The following L3MBTL4 variants were observed in gnomAD, a reference collection of about 807,000 sequenced individuals.
L3MBTL4 encodes the protein L3MBTL histone methyl-lysine binding protein 4.
A neutral mutation model predicts 84.5 loss-of-function variants in L3MBTL4; 70 were observed. The observed-to-expected ratio is 0.83, with a 90% CI of 0.68 to 1.01. L3MBTL4 has a LOEUF of 1.01. Among genes scored for constraint, L3MBTL4 ranks in the 50% least tolerant of loss-of-function variants. L3MBTL4 has a pLI of 0.00. For synonymous variants in L3MBTL4, 274 were observed against 259.8 expected, an observed-to-expected ratio of 1.05 and a Z score of -0.52; for missense variants, 715 against 754.8, an observed-to-expected ratio of 0.95 and a Z score of 0.62.
At chr18:5,961,130 T>C (rs113373792) in intron 17 of L3MBTL4, among the ~76,000 whole-genome samples, 1 of 152,244 alleles carries the variant, frequency 6.6e-6, no homozygotes, top group Non-Finnish European at 1.5e-5. Flanking sequence ...TCTCTGCTTC[T>C]TGTGTCAACC....
At position 6,245,605 on chromosome 18, in the gene L3MBTL4, T is replaced by C. The variant is rs1043439280; in HGVS notation, c.220-1017A>G. Among the ~76,000 whole-genome samples, 6 of 148,882 alleles carry C rather than the reference T, an allele frequency of 4.0e-5. No individual in the cohort carries two copies. The South Asian group carries it at 6.3e-4, about 16-fold the overall frequency. On this transcript the variant is annotated intron_variant, in intron 5 of 18. Transcript: ENST00000317931. ...GTATTTTCCTTTTTTTTTTTTTTTT[T>C]CTGAGACAAGGTCTCACTCTGTCAC...
At chr18:6,346,103 A>AATATATATATATATATATAT (rs34294575) in intron 1 of L3MBTL4, among the ~76,000 whole-genome samples, 9 of 129,810 alleles carry the variant, frequency 6.9e-5, no homozygotes, top group East Asian at 2.2e-4. Flanking sequence ...ATGATGTTGG[A>AATATATATATATATATATAT]ATATATATAT....
At chr18:6,211,051 T>C (rs2046084402) in intron 12 of L3MBTL4, among the ~76,000 whole-genome samples, 1 of 152,194 alleles carries the variant, frequency 6.6e-6, no homozygotes, top group Admixed American at 6.5e-5. Flanking sequence ...GTTGACGCCA[T>C]CACTTTACAG....
At chr18:6,222,261 T>G (rs1895929947) in intron 10 of L3MBTL4, among the ~76,000 whole-genome samples, 1 of 152,230 alleles carries the variant, frequency 6.6e-6, no homozygotes, top group African/African-American at 2.4e-5. Context: ...AATTAGTTTC[T>G]AAAGCATAGG....
At chr18:5,979,809 A>C (rs1034043103) in intron 16 of L3MBTL4, among the ~76,000 whole-genome samples, 5 of 152,194 alleles carry the variant, frequency 3.3e-5, no homozygotes, top group African/African-American at 1.2e-4. Context: ...TCAGCATCTG[A>C]ATCTCAAGAC....
At chr18:6,113,149 T>A (rs548085698) in intron 14 of L3MBTL4, among the ~76,000 whole-genome samples, 1 of 152,130 alleles carries the variant, frequency 6.6e-6, no homozygotes, top group Non-Finnish European at 1.5e-5. Flanking sequence ...TCAGGGATGA[T>A]AACATTATAA....
At chr18:6,033,069 T>C (rs1310698390) in intron 16 of L3MBTL4, among the ~76,000 whole-genome samples, 1 of 152,218 alleles carries the variant, frequency 6.6e-6, no homozygotes, top group African/African-American at 2.4e-5. Flanking sequence ...TTTCCTTATG[T>C]ATGTGTGATT....
Position 6,070,660 on chromosome 18 carries a change from C to A in L3MBTL4, c.1444+10221G>T, listed in dbSNP as rs558033219. Among the ~76,000 whole-genome samples the A allele has an allele frequency of 4.0e-4, 60 of 151,154 alleles. 2 individuals are homozygous for A. The highest frequency in any genetic ancestry group is 1.4e-3 in the African/African-American group (59 of 41,228). On this transcript the variant is annotated intron_variant, in intron 16 of 18. Transcript: ENST00000317931. Reference sequence around the variant, plus strand: ...AGTGAGATCCCATCTTTACAAAAAACAAAAAACAAAAAACAAAAAAAACAA... The same window carrying A: ...AGTGAGATCCCATCTTTACAAAAAAAAAAAAACAAAAAACAAAAAAAACAA...
At chr18:6,296,125 C>G (rs1000758246) in intron 4 of L3MBTL4, among the ~76,000 whole-genome samples, 3 of 152,178 alleles carry the variant, frequency 2.0e-5, no homozygotes. Flanking sequence ...GTGCTTCTCT[C>G]ATTACACCCG....
At chr18:6,318,801 C>T (rs1488875676) in intron 1 of L3MBTL4, among the ~76,000 whole-genome samples, 1 of 152,026 alleles carries the variant, frequency 6.6e-6, no homozygotes, top group Non-Finnish European at 1.5e-5. Context: ...ATTTATAGAA[C>T]ACTCTACCGA....
chr18:6,141,816 G>A (rs1187030700), intron 13 of L3MBTL4, among the ~76,000 whole-genome samples: 1 of 152,100 alleles, frequency 6.6e-6, no homozygotes, highest in Non-Finnish European at 1.5e-5. Context: ...TCAAATCACA[G>A]ATACAATCAT....
Position 5,985,600 on chromosome 18 carries a change from C to T in L3MBTL4, c.1445-16038G>A, listed in dbSNP as rs528369735. Among the ~76,000 whole-genome samples, 7 of 152,160 alleles carry T rather than the reference C, an allele frequency of 4.6e-5. No homozygotes were observed. The South Asian group carries it at 1.2e-3, about 27-fold the overall frequency. On this transcript the variant is annotated intron_variant, in intron 16 of 18. Transcript: ENST00000317931. ...GGCTCCCAGGTCTGTGCTCTGGACC[C>T]TACGTTATATTCCCGAAGGATGTTT...
intron 15 of L3MBTL4, among the ~76,000 whole-genome samples, chr18:6,092,686 AT>A (rs1385442756): frequency 2.0e-5 from 3 of 152,204 alleles, no homozygotes; most frequent in Non-Finnish European, 4.4e-5. Flanking sequence ...AATTCCCAGC[AT>A]GGAGAATAGA....
At chr18:6,353,767 A>T (rs566414454) in intron 1 of L3MBTL4, among the ~76,000 whole-genome samples, 3 of 152,082 alleles carry the variant, frequency 2.0e-5, no homozygotes, top group African/African-American at 7.2e-5. Flanking sequence ...TAAAACACTG[A>T]TGAAAGAAAT....
At chr18:6,292,855 C>T (rs1291115200) in intron 4 of L3MBTL4, among the ~76,000 whole-genome samples, 2 of 152,188 alleles carry the variant, frequency 1.3e-5, no homozygotes, top group African/African-American at 2.4e-5. Context: ...TATTTAATGG[C>T]TACTGAAACC....
Position 5,980,514 on chromosome 18 carries a change from C to A in L3MBTL4, c.1445-10952G>T, listed in dbSNP as rs1472230443. Among the ~76,000 whole-genome samples the A allele has an allele frequency of 1.3e-4, 20 of 148,380 alleles. No homozygotes were observed. The Admixed American group carries it at 1.4e-3, about 10-fold the overall frequency. ...TGGCATGATCTCAGCTCACTGCAAC[C>A]TCTGCCTCCTGGGTTCAAGCGATTC... On this transcript the variant is annotated intron_variant, in intron 16 of 18. Transcript: ENST00000317931.
chr18:6,117,828 A>G (rs1217925739), intron 14 of L3MBTL4, among the ~76,000 whole-genome samples: 1 of 152,238 alleles, frequency 6.6e-6, no homozygotes, highest in Non-Finnish European at 1.5e-5. Context: ...TATTCTTAAT[A>G]TTCACATATT....
chr18:6,364,269 A>G (rs979391742), intron 1 of L3MBTL4, among the ~76,000 whole-genome samples: 5 of 152,126 alleles, frequency 3.3e-5, no homozygotes, highest in African/African-American at 1.2e-4. Context: ...TTTCATTAAA[A>G]TATTATTTAT....
chr18:6,073,837 T>A (rs943858726), intron 16 of L3MBTL4, among the ~76,000 whole-genome samples: 5 of 152,204 alleles, frequency 3.3e-5, no homozygotes, highest in Admixed American at 3.3e-4. Context: ...ATTTAATACA[T>A]TGAGATAAGG....
Sources: gnomAD v4.1 joint callset for allele counts (sites outside exome capture counted in the v4.1 genomes callset) on GRCh38, gnomAD v4.1.1 for gene constraint, MANE v1.5 for transcripts, NCBI Gene and HGNC (gene_info 2026-07-23, HGNC 2026-07-21) for gene names.